ARHGAP24: variants seen among roughly 807,000 people sequenced by gnomAD.
ARHGAP24 encodes the protein rho GTPase-activating protein 24.
In ARHGAP24, 50 loss-of-function variants were observed where a neutral mutation model predicts 76.4. The ratio of observed to expected loss-of-function variants is 0.65; its 90% CI spans 0.52 to 0.83. The LOEUF is 0.83. Among genes scored for constraint, ARHGAP24 ranks in the 40% least tolerant of loss-of-function variants. The pLI, the probability that ARHGAP24 is intolerant of heterozygous loss-of-function variation, is 0.00. For synonymous variants in ARHGAP24, 345 were observed against 323.3 expected (o/e 1.07, Z -0.72); for missense variants, 930 against 914.2 (o/e 1.02, Z -0.22).
chr4:85,487,096 TC>T (rs2110090705), intron 1 of ARHGAP24, among the ~76,000 whole-genome samples: 1 of 149,074 alleles, frequency 6.7e-6, no homozygotes, highest in Admixed American at 6.9e-5. Flanking sequence ...TTCATTTCTT[TC>T]TTTCATCTTA....
intron 3 of ARHGAP24, among the ~76,000 whole-genome samples, chr4:85,746,663 T>G (rs971662527): frequency 3.3e-5 from 5 of 152,116 alleles, no homozygotes; most frequent in African/African-American, 1.2e-4. Context: ...TGTGTTTTGT[T>G]TTTTTTAGAT....
At chr4:85,985,414 A>T (rs983090775) in intron 8 of ARHGAP24, among the ~76,000 whole-genome samples, 1 of 152,164 alleles carries the variant, frequency 6.6e-6, no homozygotes, top group African/African-American at 2.4e-5. Flanking sequence ...TCTCACTTAT[A>T]GGTGGGTGCT....
At chr4:85,556,925 G>T (rs1444692468) in intron 1 of ARHGAP24, among the ~76,000 whole-genome samples, 4 of 152,178 alleles carry the variant, frequency 2.6e-5, no homozygotes, top group Non-Finnish European at 5.9e-5. Flanking sequence ...AGGTTTGGAG[G>T]CCCTGCCCAG....
intron 2 of ARHGAP24, among the ~76,000 whole-genome samples, chr4:85,589,449 G>A (rs765891331): frequency 1.3e-5 from 2 of 152,158 alleles, no homozygotes; most frequent in Non-Finnish European, 2.9e-5. Flanking sequence ...ATAGGAGATG[G>A]TAGGACTGAT....
At chr4:85,738,349 C>T (rs755489466) in intron 3 of ARHGAP24, among the ~76,000 whole-genome samples, 2 of 149,176 alleles carry the variant, frequency 1.3e-5, no homozygotes, top group African/African-American at 2.5e-5. Context: ...AATCTTTGGC[C>T]TAGTTTTCAT....
intron 3 of ARHGAP24, among the ~76,000 whole-genome samples, chr4:85,817,417 C>A (rs1194288937): frequency 6.6e-6 from 1 of 152,054 alleles, no homozygotes; most frequent in Non-Finnish European, 1.5e-5. Context: ...TAATCCATTT[C>A]AAGGAATTTT....
At chr4:85,683,109 T>TGTGGGGGG (rs1553922558) in intron 2 of ARHGAP24, among the ~76,000 whole-genome samples, 1 of 17,482 alleles carries the variant, frequency 5.7e-5, no homozygotes. Flanking sequence ...TCTCAGTGTG[T>TGTGGGGGG]GGGGGGGTGG....
At chr4:85,477,244 G>A (rs1427736401) in intron 1 of ARHGAP24, among the ~76,000 whole-genome samples, 2 of 152,130 alleles carry the variant, frequency 1.3e-5, no homozygotes, top group East Asian at 3.9e-4. Context: ...AACTCAGACT[G>A]TCCTTGGCTT....
At chr4:85,922,465 C>A (rs1368702056) in intron 3 of ARHGAP24, among the ~76,000 whole-genome samples, 4 of 152,096 alleles carry the variant, frequency 2.6e-5, no homozygotes, top group Admixed American at 2.0e-4. Flanking sequence ...ACATCTTAAC[C>A]AAACACAACA....
At chr4:85,778,355 C>A (rs1727383403) in intron 3 of ARHGAP24, among the ~76,000 whole-genome samples, 1 of 152,180 alleles carries the variant, frequency 6.6e-6, no homozygotes, top group Non-Finnish European at 1.5e-5. Context: ...AATTCCTTTG[C>A]TTATTATGCA....
intron 3 of ARHGAP24, among the ~76,000 whole-genome samples, chr4:85,867,656 G>C (rs1732269718): frequency 6.6e-6 from 1 of 151,464 alleles, no homozygotes; most frequent in African/African-American, 2.4e-5. Context: ...AGAAATATCA[G>C]CTCCCCTTCT....
chr4:85,824,355 A>G (rs1316129050), intron 3 of ARHGAP24, among the ~76,000 whole-genome samples: 3 of 152,198 alleles, frequency 2.0e-5, no homozygotes, highest in Non-Finnish European at 4.4e-5. Context: ...TTAGAAAAAT[A>G]CTTGTCTTCA....
chr4:85,542,964 C>T (rs1545823), intron 1 of ARHGAP24, among the ~76,000 whole-genome samples: 42,554 of 152,108 alleles, frequency 0.28, 7,556 homozygotes, highest in East Asian at 0.79. Flanking sequence ...GCACTTACAA[C>T]ATTGCCTGGT....
chr4:85,691,369 G>T (rs2110017979), intron 2 of ARHGAP24, among the ~76,000 whole-genome samples: 1 of 152,156 alleles, frequency 6.6e-6, no homozygotes, highest in South Asian at 2.1e-4. Context: ...AAGTCCAATT[G>T]GTAAAATGCC....
chr4:85,532,514 T>C (rs1725299189), intron 1 of ARHGAP24, among the ~76,000 whole-genome samples: 1 of 152,164 alleles, frequency 6.6e-6, no homozygotes, highest in African/African-American at 2.4e-5. Context: ...AGATTAAAAT[T>C]GGTATTGTAC....
chr4:85,831,135 A>T (rs923442161), intron 3 of ARHGAP24, among the ~76,000 whole-genome samples: 1 of 152,168 alleles, frequency 6.6e-6, no homozygotes, highest in Non-Finnish European at 1.5e-5. Flanking sequence ...TCGGATTCTA[A>T]TATCTACCTA....
intron 2 of ARHGAP24, among the ~76,000 whole-genome samples, chr4:85,663,046 T>G (rs1722467615): frequency 1.3e-5 from 2 of 152,034 alleles, no homozygotes; most frequent in Non-Finnish European, 2.9e-5. Context: ...TTTTTCCAAT[T>G]CTCTAAAGAA....
chr4:85,485,376 AATATATATATATATATAT>A (rs56176066), intron 1 of ARHGAP24, among the ~76,000 whole-genome samples: 27 of 45,064 alleles, frequency 6.0e-4, no homozygotes, highest in East Asian at 2.4e-3. Context: ...AAAAAAAAAA[AATATATATATATATATAT>A]ATATATATAT....
chr4:85,569,053 A>G (rs570661202), intron 1 of ARHGAP24, among the ~76,000 whole-genome samples: 18 of 152,342 alleles, frequency 1.2e-4, no homozygotes, highest in African/African-American at 1.7e-4. Context: ...CAAGGAAGAA[A>G]CAAAAATGAC....
Sources: allele counts gnomAD v4.1 joint callset (sites outside exome capture counted in the v4.1 genomes callset), GRCh38; gene constraint gnomAD v4.1.1; transcripts MANE v1.5; gene names NCBI Gene and HGNC (gene_info 2026-07-23, HGNC 2026-07-21).